FANCA: variants seen among roughly 807,000 people sequenced by gnomAD.
FANCA encodes Fanconi anemia group A protein.
In FANCA, 236 loss-of-function variants were observed where a neutral mutation model predicts 194.3. That is an observed-to-expected ratio of 1.21 (90% CI 1.09 to 1.35). The LOEUF (loss-of-function observed/expected upper bound fraction) is 1.35, where lower values mean the gene tolerates loss of function less well. Among genes scored for constraint, FANCA ranks in the 40% most tolerant of loss-of-function variants. The probability of loss-of-function intolerance (pLI) is 0.00; values close to 1 mark genes in which losing one functional copy is unlikely to be tolerated. For missense variants in FANCA, 2,628 were observed against 1,813.9 expected (o/e 1.45, Z -8.15); for synonymous variants, 1,014 against 715.8 (o/e 1.42, Z -6.65).
At chr16:89,766,323 T>A (rs986175263) in intron 27 of FANCA, among the ~76,000 whole-genome samples, 2 of 151,828 alleles carry the variant, frequency 1.3e-5, no homozygotes, top group African/African-American at 4.8e-5. Context: ...ACACGAGACG[T>A]TCATTAAAAT....
intron 17 of FANCA, among the ~76,000 whole-genome samples, chr16:89,782,308 G>C (rs1021012232): frequency 2.0e-5 from 3 of 151,758 alleles, no homozygotes; most frequent in African/African-American, 7.3e-5. Context: ...TCAGGAGATT[G>C]AGACCATTCT....
At chr16:89,784,683 T>G (rs1341246477) in intron 15 of FANCA, among the ~76,000 whole-genome samples, 171 bp downstream of exon 15, 1 of 152,046 alleles carries the variant, frequency 6.6e-6, no homozygotes, top group Non-Finnish European at 1.5e-5. Flanking sequence ...GTTGCAATGT[T>G]TGTGTTGTTT....
chr16:89,809,758 C>T (rs1269363594), intron 5 of FANCA, among the ~76,000 whole-genome samples: 4 of 151,802 alleles, frequency 2.6e-5, no homozygotes, highest in South Asian at 2.1e-4. Flanking sequence ...GAGGCTGAGG[C>T]GGGAGAATGG....
At chr16:89,799,770 G>A (rs1199549957) in intron 8 of FANCA, 132 bp from the exon 9 acceptor site, 3 of 741,514 alleles carry the variant, frequency 4.0e-6, no homozygotes, top group Non-Finnish European at 7.2e-6. Context: ...GAGGCGGGCG[G>A]ATCACGAGGT....
At chr16:89,795,468 C>A (rs910944829) in intron 11 of FANCA, among the ~76,000 whole-genome samples, 21 of 151,994 alleles carry the variant, frequency 1.4e-4, no homozygotes, top group Admixed American at 3.9e-4. Flanking sequence ...GAAACCCAGT[C>A]TCTACTAAAA....
At chr16:89,805,166 C>T (rs1194863916) in intron 7 of FANCA, 114 bp downstream of exon 7, 1 of 804,926 alleles carries the variant, frequency 1.2e-6, no homozygotes, top group Non-Finnish European at 2.1e-6. Context: ...TGCCAGGTTC[C>T]CACGGCCACG....
intron 29 of FANCA, among the ~76,000 whole-genome samples, chr16:89,760,821 C>T (rs753050775): frequency 6.6e-6 from 1 of 152,164 alleles, no homozygotes; most frequent in Non-Finnish European, 1.5e-5. Flanking sequence ...TCCTCTCACA[C>T]GGCCCTGTCT....
intron 12 of FANCA, among the ~76,000 whole-genome samples, 154 bp from the exon 13 acceptor site, chr16:89,792,222 C>G (rs1479932826): frequency 6.6e-6 from 1 of 152,176 alleles, no homozygotes; most frequent in African/African-American, 2.4e-5. Flanking sequence ...ACCGTGGCGT[C>G]TCTCCCCTCA....
intron 4 of FANCA, 22 bp from the exon 5 acceptor site, chr16:89,810,824 T>C: frequency 1.2e-6 from 2 of 1,613,132 alleles, no homozygotes; most frequent in East Asian, 2.2e-5. Context: ...GATTACATTT[T>C]TTAAAAAACA....
intron 41 of FANCA, 27 bp from the exon 42 acceptor site, chr16:89,739,001 G>C (rs1196057280): frequency 1.2e-6 from 2 of 1,614,010 alleles, no homozygotes; most frequent in East Asian, 4.5e-5. Flanking sequence ...CAAACTCACA[G>C]GTTAGAAGAC....
Position 89,738,471 on chromosome 16 carries a change from T to C in FANCA, c.*130A>G. 6.8e-7 allele frequency: 1 copy of C among 1,466,544 alleles called. No homozygotes were observed. The highest frequency in any genetic ancestry group is 9.4e-7 in the Non-Finnish European group (1 of 1,067,502). 90.8% of individuals were successfully genotyped at this position (1,466,544 alleles called of 1,614,324 possible). A position where few individuals can be genotyped will look rare whatever the true frequency, so the allele number is the denominator to read the frequency against. ...TCGGGGCCGGACAGTTCATAAATAA[T>C]TGATTCCTTTCCCCACTAAAGCAGT... On this transcript the variant is annotated 3_prime_UTR_variant, in exon 43 of 43. Coordinates refer to ENST00000389301, the MANE Select transcript of FANCA (RefSeq NM_000135.4).
At position 89,754,561 on chromosome 16, in the gene FANCA, G is replaced by C. The variant is rs146695588; in HGVS notation, c.2982-2339C>G. Among the ~76,000 whole-genome samples, 1,175 of 152,114 alleles carry C rather than the reference G, an allele frequency of 7.7e-3. 8 individuals carry two copies. The highest frequency in any genetic ancestry group is 0.013 in the Non-Finnish European group (913 of 68,008). Reference sequence around the variant, plus strand: ...AATTTTTGTATTTTTAGTAGAGATGGGGTTTCACCATGTTGGCCAGGCTGG... The same window carrying C: ...AATTTTTGTATTTTTAGTAGAGATGCGGTTTCACCATGTTGGCCAGGCTGG... On this transcript the variant is annotated intron_variant, in intron 30 of 42. Transcript: ENST00000389301.
At chr16:89,783,552 AAAAAAAAAAACAAC>A (rs1368356478) in intron 15 of FANCA, among the ~76,000 whole-genome samples, 5 of 119,526 alleles carry the variant, frequency 4.2e-5, no homozygotes, top group South Asian at 4.7e-4. Context: ...CTTCATTTCC[AAAAAAAAAAACAAC>A]AAAAAAAAAA....
chr16:89,791,158 C>T lies in FANCA; in HGVS notation c.1359+245G>A, dbSNP rs1215423236. 7.1e-6 allele frequency: 4 copies of T among 565,868 alleles called. No individual in the cohort carries two copies. In the East Asian group the frequency reaches 1.2e-4, roughly 17 times the overall value. The allele number at this position is 565,868 out of a possible 1,614,324, so 35.1% of individuals were successfully genotyped here. On this transcript the variant is annotated intron_variant, in intron 14 of 42. Transcript: ENST00000389301. ...GTGAGACAGAAACCAGGGGAAGGAG[C>T]TGAGGCCCCGACAGGGAGAACCCAG... is the stretch of plus-strand genomic sequence containing the variant.
chr16:89,777,116 G>A lies in FANCA; in HGVS notation c.1827-1301C>T, dbSNP rs538686211. Among the ~76,000 whole-genome samples, 53 of 152,114 alleles carry A rather than the reference G, an allele frequency of 3.5e-4. 2 individuals are homozygous for A. In the South Asian group the frequency reaches 0.011, roughly 31 times the overall value. ...ACCCAGCTACTTGGGAGGCAGAGGGGGAAGGATTGTTGAAACCCAGGAGGT... is the reference window on the plus strand; with the variant it reads ...ACCCAGCTACTTGGGAGGCAGAGGGAGAAGGATTGTTGAAACCCAGGAGGT... On this transcript the variant is annotated intron_variant, in intron 20 of 42. Transcript: ENST00000389301.
intron 31 of FANCA, among the ~76,000 whole-genome samples, chr16:89,751,642 G>C (rs1468912965): frequency 6.6e-6 from 1 of 152,160 alleles, no homozygotes; most frequent in Admixed American, 6.5e-5. Flanking sequence ...GCCAGCACCA[G>C]TAAATGCCTG....
In FANCA at chr16:89,737,767, G is replaced by A. The variant is rs747413104; in HGVS notation, c.*834C>T. ...ATCGTCGTCCCCCCGGGAGGTTGGA[G>A]CATCAGGGGCCTGGACTCACTGGAC... On this transcript the variant is annotated 3_prime_UTR_variant, in exon 43 of 43. Transcript: ENST00000389301. 1.2e-6 allele frequency: 2 copies of A among 1,611,740 alleles called. No homozygotes were observed. The highest frequency in any genetic ancestry group is 1.7e-5 in the Admixed American group (1 of 59,964).
intron 27 of FANCA, among the ~76,000 whole-genome samples, chr16:89,766,792 C>T (rs905430722): frequency 2.0e-5 from 3 of 152,036 alleles, no homozygotes; most frequent in Non-Finnish European, 4.4e-5. Flanking sequence ...TTCTTCTTTC[C>T]AGGGAAAGAT....
At position 89,799,190 on chromosome 16, in the gene FANCA, G is replaced by A. The variant is rs185984960; in HGVS notation, c.869C>T (p.Ser290Phe). The change falls in exon 10 of 43, where the codon TCC becomes TTC. Residue 290 changes from serine (S) to phenylalanine (F), a missense_variant. Transcript: ENST00000389301. ...CCAGCACCTCACGATCTTGTGAGTG[G>A]AGGACTCCTCCTGTACTCCAGCAGC... ...ALAAGVQEES[S>F]THKIVRCWFG... 4 of 1,614,156 alleles carry A rather than the reference G, an allele frequency of 2.5e-6. No individual in the cohort carries two copies. In the East Asian group the frequency reaches 8.9e-5, roughly 36 times the overall value.
Sources: gnomAD v4.1 joint callset for allele counts (sites outside exome capture counted in the v4.1 genomes callset) on GRCh38, gnomAD v4.1.1 for gene constraint, MANE v1.5 for transcripts, NCBI Gene and HGNC (gene_info 2026-07-23, HGNC 2026-07-21) for gene names.